The following PPP3CA variants were observed in gnomAD, a reference collection of about 807,000 sequenced individuals.
PPP3CA encodes the protein CAM-PRP catalytic subunit.
Under a neutral mutation model 66.5 loss-of-function variants are expected in PPP3CA, and 14 were observed. That is an observed-to-expected ratio of 0.21 (90% CI 0.14 to 0.33). The LOEUF (loss-of-function observed/expected upper bound fraction) is 0.33. Ranked by LOEUF, PPP3CA falls within the 10% of genes least tolerant of loss-of-function variation. The probability of loss-of-function intolerance (pLI) is 1.00; values close to 1 mark genes in which losing one functional copy is unlikely to be tolerated. For missense variants in PPP3CA, 317 were observed against 639.5 expected, an observed-to-expected ratio of 0.50 and a Z score of 5.44; for synonymous variants, 232 against 226.2, an observed-to-expected ratio of 1.03 and a Z score of -0.23.
chr4:101,080,396 T>C (rs1266715924), intron 8 of PPP3CA, 136 bp downstream of exon 8: 7 of 388,844 alleles, frequency 1.8e-5, no homozygotes, highest in Non-Finnish European at 3.2e-5. Flanking sequence ...AATCACAAAG[T>C]ATGCATGAAA....
At chr4:101,214,247 C>T (rs1366671455) in intron 1 of PPP3CA, among the ~76,000 whole-genome samples, 1 of 151,554 alleles carries the variant, frequency 6.6e-6, no homozygotes, top group Admixed American at 6.6e-5. Context: ...CCTACCAGGA[C>T]TGGACAGTTG....
At position 101,313,015 on chromosome 4, in the gene PPP3CA, C is replaced by T. The variant is rs1363766463; in HGVS notation, c.58+33724G>A. ...TGTACAAAATCTTATTTCTTCTTTCCTTCCCTTCTTCCAAGTTAACCAAAC... is the reference window on the plus strand; with the variant it reads ...TGTACAAAATCTTATTTCTTCTTTCTTTCCCTTCTTCCAAGTTAACCAAAC... On this transcript the variant is annotated intron_variant, in intron 1 of 13. Coordinates refer to ENST00000394854, the MANE Select transcript of PPP3CA (RefSeq NM_000944.5). Among the ~76,000 whole-genome samples, 3 of 152,086 alleles carry T rather than the reference C, an allele frequency of 2.0e-5. No homozygotes were observed. In the East Asian group the frequency reaches 5.8e-4, roughly 29 times the overall value.
In PPP3CA at chr4:101,173,832, C is replaced by T. The variant is rs576051846; in HGVS notation, c.259+22084G>A. 3.3e-5 allele frequency among the ~76,000 whole-genome samples: 5 copies of T among 152,254 alleles called. No individual in the cohort carries two copies. The East Asian group carries it at 9.6e-4, about 29-fold the overall frequency. ...TTGGTAGGCCAAGGTAGGAGGATCACTTGAGGCCACGACTTTGAAACCAGT... is the reference window on the plus strand; with the variant it reads ...TTGGTAGGCCAAGGTAGGAGGATCATTTGAGGCCACGACTTTGAAACCAGT... On this transcript the variant is annotated intron_variant, in intron 2 of 13. Transcript: ENST00000394854.
chr4:101,088,053 T>TAGTCC (rs1729745955), intron 6 of PPP3CA, among the ~76,000 whole-genome samples: 1 of 152,226 alleles, frequency 6.6e-6, no homozygotes, highest in Non-Finnish European at 1.5e-5. Flanking sequence ...TCATCATGAA[T>TAGTCC]AGTCCCTTGA....
At chr4:101,226,824 G>A (rs1387822522) in intron 1 of PPP3CA, among the ~76,000 whole-genome samples, 2 of 151,578 alleles carry the variant, frequency 1.3e-5, no homozygotes, top group East Asian at 3.9e-4. Context: ...CATTCATGGT[G>A]TCTTCTAATA....
At chr4:101,147,963 G>A (rs1723020941) in intron 2 of PPP3CA, among the ~76,000 whole-genome samples, 1 of 152,136 alleles carries the variant, frequency 6.6e-6, no homozygotes, top group Non-Finnish European at 1.5e-5. Context: ...CCACGTCTCT[G>A]TCCAAAATAG....
intron 4 of PPP3CA, among the ~76,000 whole-genome samples, chr4:101,099,135 TAAG>T (rs1446634489): frequency 6.6e-6 from 1 of 152,062 alleles, no homozygotes; most frequent in African/African-American, 2.4e-5. Context: ...AGAAAAATTG[TAAG>T]GAGGAAAAAG....
intron 1 of PPP3CA, among the ~76,000 whole-genome samples, chr4:101,308,770 G>A (rs940883316): frequency 4.6e-5 from 7 of 152,168 alleles, no homozygotes; most frequent in South Asian, 2.1e-4. Context: ...CATTTATTTT[G>A]TAGTCACAAA....
chr4:101,189,155 A>T (rs974906141), intron 2 of PPP3CA, among the ~76,000 whole-genome samples: 2 of 152,122 alleles, frequency 1.3e-5, no homozygotes, highest in Non-Finnish European at 2.9e-5. Flanking sequence ...GACTAAAAAG[A>T]TAACTGCTAT....
intron 1 of PPP3CA, among the ~76,000 whole-genome samples, chr4:101,230,802 T>A (rs1293365578): frequency 6.6e-6 from 1 of 151,708 alleles, no homozygotes; most frequent in East Asian, 1.9e-4. Flanking sequence ...AGTCTCACCT[T>A]CTGCCACTCC....
At chr4:101,166,362 A>T (rs1187661571) in intron 2 of PPP3CA, among the ~76,000 whole-genome samples, 2 of 152,168 alleles carry the variant, frequency 1.3e-5, no homozygotes, top group African/African-American at 4.8e-5. Context: ...CCGTTCCTCC[A>T]ACCCAAAAAG....
chr4:101,234,640 C>A (rs1726070496), intron 1 of PPP3CA, among the ~76,000 whole-genome samples: 1 of 151,270 alleles, frequency 6.6e-6, no homozygotes, highest in South Asian at 2.1e-4. Context: ...AAGTATCCAT[C>A]AATTTTTATT....
intron 3 of PPP3CA, chr4:101,108,105 G>T (rs1479862942): frequency 1.3e-5 from 2 of 152,206 alleles, no homozygotes; most frequent in Admixed American, 6.5e-5. Context: ...GGCTGTGGAA[G>T]AACCTCTATT....
chr4:101,046,836 T>C (rs1727787299), intron 10 of PPP3CA, among the ~76,000 whole-genome samples: 1 of 152,206 alleles, frequency 6.6e-6, no homozygotes, highest in South Asian at 2.1e-4. Context: ...TTGAGATAAT[T>C]AGTATCTTTT....
intron 10 of PPP3CA, among the ~76,000 whole-genome samples, chr4:101,055,663 A>G (rs1324776112): frequency 6.6e-6 from 1 of 152,172 alleles, no homozygotes. Context: ...TTTCCTATCC[A>G]GAAGCCTGTG....
rs57507050 is a variant in PPP3CA at position 101,298,841 on chromosome 4, CTGTGTGTGTG to C, written c.58+47888_58+47897del. Among the ~76,000 whole-genome samples the C allele has an allele frequency of 4.4e-3, 615 of 140,070 alleles. 3 individuals are homozygous for C. The highest frequency in any genetic ancestry group is 0.015 in the African/African-American group (567 of 38,298). 91.9% of individuals were successfully genotyped at this position (140,070 alleles called of 152,430 possible). Reference sequence around the variant, plus strand: ...AGTCCCCAAATTGTTCAAGGGTCTACTGTGTGTGTGTGTGTGTGTGTGTGTGTGTGTGTGT... The same window carrying C: ...AGTCCCCAAATTGTTCAAGGGTCTACTGTGTGTGTGTGTGTGTGTGTGTGT... On this transcript the variant is annotated intron_variant, in intron 1 of 13. Coordinates refer to ENST00000394854, the MANE Select transcript of PPP3CA (RefSeq NM_000944.5).
chr4:101,311,778 G>A (rs1728729932), intron 1 of PPP3CA, among the ~76,000 whole-genome samples: 1 of 152,054 alleles, frequency 6.6e-6, no homozygotes, highest in South Asian at 2.1e-4. Flanking sequence ...ATACAAAAAT[G>A]ATACCAAAAA....
At chr4:101,259,727 A>G (rs1261535065) in intron 1 of PPP3CA, among the ~76,000 whole-genome samples, 3 of 152,148 alleles carry the variant, frequency 2.0e-5, no homozygotes, top group Non-Finnish European at 4.4e-5. Flanking sequence ...AAATACACAC[A>G]CACACCATCC....
At chr4:101,152,033 A>G (rs1489261495) in intron 2 of PPP3CA, among the ~76,000 whole-genome samples, 1 of 152,188 alleles carries the variant, frequency 6.6e-6, no homozygotes, top group Non-Finnish European at 1.5e-5. Context: ...CATTATTTCA[A>G]CATAACTAGA....
Sources: allele counts gnomAD v4.1 joint callset (sites outside exome capture counted in the v4.1 genomes callset), GRCh38; gene constraint gnomAD v4.1.1; transcripts MANE v1.5; gene names NCBI Gene and HGNC (gene_info 2026-07-23, HGNC 2026-07-21).